ADAMTS10: variants seen among roughly 807,000 people sequenced by gnomAD.
The protein encoded by ADAMTS10 is ADAM metallopeptidase with thrombospondin type 1 motif 10, also known as A disintegrin and metalloproteinase with thrombospondin motifs 10.
Under a neutral mutation model 135.9 loss-of-function variants are expected in ADAMTS10, and 48 were observed. That is an observed-to-expected ratio of 0.35 (90% CI 0.28 to 0.45). The LOEUF (loss-of-function observed/expected upper bound fraction) is 0.45. Among genes scored for constraint, ADAMTS10 ranks in the 20% least tolerant of loss-of-function variants. The pLI is 1.00. For missense variants in ADAMTS10, 1,131 were observed against 1,565.2 expected (o/e 0.72, Z 4.68); for synonymous variants, 621 against 647.5 (o/e 0.96, Z 0.62).
chr19:8,582,957 AT>A (rs2042374044), intron 25 of ADAMTS10, among the ~76,000 whole-genome samples: 1 of 151,852 alleles, frequency 6.6e-6, no homozygotes, highest in Non-Finnish European at 1.5e-5. Context: ...GCCTAATTTT[AT>A]TTTTTGTAGA....
Position 8,580,801 on chromosome 19 carries a change from G to T in ADAMTS10, c.*92C>A. ...GGCTCCGTCTCACCCTTCCCTCCCA[G>T]TTCCCGCCCCCCCGGGGCCCCCTCT... On this transcript the variant is annotated 3_prime_UTR_variant, in exon 26 of 26. Coordinates refer to ENST00000597188, the MANE Select transcript of ADAMTS10 (RefSeq NM_030957.4). 2 of 1,014,276 alleles carry T rather than the reference G, an allele frequency of 2.0e-6. No homozygotes were observed. The highest frequency in any genetic ancestry group is 2.9e-6 in the Non-Finnish European group (2 of 678,296). 62.8% of individuals were successfully genotyped at this position (1,014,276 alleles called of 1,614,324 possible).
Position 8,580,825 on chromosome 19 carries a change from C to T in ADAMTS10, c.*68G>A. 1.5e-6 allele frequency: 2 copies of T among 1,366,756 alleles called. No homozygotes were observed. The highest frequency in any genetic ancestry group is 2.0e-6 in the Non-Finnish European group (2 of 989,160). 84.7% of individuals were successfully genotyped at this position (1,366,756 alleles called of 1,614,324 possible). A position where few individuals can be genotyped will look rare whatever the true frequency, so the allele number is the denominator to read the frequency against. On this transcript the variant is annotated 3_prime_UTR_variant, in exon 26 of 26. Transcript: ENST00000597188. ...AGTTCCCGCCCCCCCGGGGCCCCCTCTGGCCGGCCCGCTGCAGGGCTGGCG... is the reference window on the plus strand; with the variant it reads ...AGTTCCCGCCCCCCCGGGGCCCCCTTTGGCCGGCCCGCTGCAGGGCTGGCG...
intron 12 of ADAMTS10, 60 bp downstream of exon 12, chr19:8,595,702 T>TCCCCCCCCCCCCCCCGCCCCC: frequency 1.1e-6 from 1 of 894,226 alleles, no homozygotes; most frequent in Non-Finnish European, 1.7e-6. Context: ...TGGAGTTCCC[T>TCCCCCCCCCCCCCCCGCCCCC]CCCCCAGCCC....
rs1555740383 is a variant in ADAMTS10 at position 8,596,974 on chromosome 19, C to T, written c.1040+13G>A. The T allele has an allele frequency of 6.2e-7, 1 of 1,612,386 alleles. No individual in the cohort carries two copies. The highest frequency in any genetic ancestry group is 1.1e-5 in the South Asian group (1 of 91,062). On this transcript the variant is annotated intron_variant, in intron 8 of 25. Coordinates refer to ENST00000597188, the MANE Select transcript of ADAMTS10 (RefSeq NM_030957.4). This position sits in a 1 kb window ranked among gnomAD's most constrained non-coding sequence, Gnocchi z 7.2. ...TTCTCAGCCCCAGTCCTAGACCTCT[C>T]CTGTCCCCTCACCGTGTGATGAGCA... is the stretch of plus-strand genomic sequence containing the variant.
At position 8,605,192 on chromosome 19, in the gene ADAMTS10, G is replaced by A; in HGVS notation, c.255C>T (p.Thr85=). 6.2e-7 allele frequency: 1 copy of A among 1,614,056 alleles called. No homozygotes were observed. Among genetic ancestry groups the A allele is most frequent in the Non-Finnish European group, 8.5e-7 (1 of 1,179,950 alleles). Residue 85 remains threonine (T), a synonymous_variant, in exon 4 of 26, where the codon ACC becomes ACT. Transcript: ENST00000597188. The surrounding 1 kb of genome is among the most constrained non-coding windows in gnomAD (Gnocchi z 7.7). Reference sequence around the variant, plus strand: ...TGCGGGTCAGGTTCAGCAGGAAGTGGGTGCTGGGCGAGGCCACTTTGTAGA... The same window carrying A: ...TGCGGGTCAGGTTCAGCAGGAAGTGAGTGCTGGGCGAGGCCACTTTGTAGA... ...RLFYKVASPS[T]HFLLNLTRSS... is the part of the protein sequence containing the mutation.
At chr19:8,609,566 G>A (rs116388336) in intron 1 of ADAMTS10, among the ~76,000 whole-genome samples, 3,212 of 152,214 alleles carry the variant, frequency 0.021, 130 homozygotes, top group African/African-American at 0.073. Flanking sequence ...ACATCTGGCC[G>A]GGCCGGCAGG....
rs782508196 is a variant in ADAMTS10 at position 8,589,164 on chromosome 19, C to G, written c.2158+78G>C. 195 of 1,600,484 alleles carry G rather than the reference C, an allele frequency of 1.2e-4. 1 individual carries two copies. The Middle Eastern group carries it at 3.6e-3, about 30-fold the overall frequency. On this transcript the variant is annotated intron_variant, in intron 18 of 25. Coordinates refer to ENST00000597188, the MANE Select transcript of ADAMTS10 (RefSeq NM_030957.4). ...GGGTCTGAGGAGTTAGTGATCTCAG[C>G]TACTGCACTGGGATCAGTTCCACCT...
chr19:8,589,886 C>T lies in ADAMTS10; in HGVS notation c.1900+3G>A. 3 of 1,613,374 alleles carry T rather than the reference C, an allele frequency of 1.9e-6. No individual in the cohort carries two copies. The highest frequency in any genetic ancestry group is 2.5e-6 in the Non-Finnish European group (3 of 1,179,382). On this transcript the variant is annotated splice_donor_region_variant and intron_variant, in intron 16 of 25. Transcript: ENST00000597188. ...CCCACAGCCTTTGGAGTCCCACACT[C>T]ACCTCCCCGGTACGTTTTCCACTTG... is the stretch of plus-strand genomic sequence containing the variant.
At position 8,596,483 on chromosome 19, in the gene ADAMTS10, C is replaced by A. The variant is rs1267508162; in HGVS notation, c.1084+59G>T. On this transcript the variant is annotated intron_variant, in intron 9 of 25. Transcript: ENST00000597188. This position sits in a 1 kb window ranked among gnomAD's most constrained non-coding sequence, Gnocchi z 7.2. ...GTGCTGGCTGGCCCCATCCACCTGC[C>A]AGGTCTCACCCCAGCCCACTGCCTT... 7.4e-6 allele frequency: 12 copies of A among 1,612,692 alleles called. No individual in the cohort carries two copies. In the African/African-American group the frequency reaches 9.3e-5, roughly 13 times the overall value.
At chr19:8,588,693 C>G (rs1555737926) in intron 18 of ADAMTS10, among the ~76,000 whole-genome samples, 1 of 152,210 alleles carries the variant, frequency 6.6e-6, no homozygotes, top group Admixed American at 6.5e-5. Flanking sequence ...CGCAGCTCCT[C>G]TGGCTCACAG....
chr19:8,584,601 A>C (rs1555736365), intron 25 of ADAMTS10, among the ~76,000 whole-genome samples: 1 of 152,170 alleles, frequency 6.6e-6, no homozygotes, highest in Non-Finnish European at 1.5e-5. Context: ...TAAAGGAAAA[A>C]TATTCAGGAA....
chr19:8,605,442 G>T lies in ADAMTS10; in HGVS notation c.89-84C>A. ...TGGCTGTTAGGCTGCTGGAGCAAGT[G>T]ATGCTGGCCTCACTGACCCCCGAAA... On this transcript the variant is annotated intron_variant, in intron 3 of 25. Transcript: ENST00000597188. The surrounding 1 kb of genome is among the most constrained non-coding windows in gnomAD (Gnocchi z 7.7). The T allele has an allele frequency of 6.7e-7, 1 of 1,488,390 alleles. No individual in the cohort carries two copies. Among genetic ancestry groups the T allele is most frequent in the Non-Finnish European group, 9.1e-7 (1 of 1,094,760 alleles). The allele number at this position is 1,488,390 out of a possible 1,614,324, so 92.2% of individuals were successfully genotyped here.
intron 16 of ADAMTS10, 40 bp from the exon 17 acceptor site, chr19:8,589,625 C>T: frequency 6.2e-7 from 1 of 1,611,700 alleles, no homozygotes. Flanking sequence ...GCCAGGCCAC[C>T]CCGGAACTCT....
intron 12 of ADAMTS10, among the ~76,000 whole-genome samples, chr19:8,593,793 G>A (rs1006815783): frequency 5.9e-5 from 9 of 152,046 alleles, no homozygotes; most frequent in East Asian, 5.8e-4. Context: ...ACCTCCCAGC[G>A]TCTTTCCTCT....
At position 8,601,202 on chromosome 19, in the gene ADAMTS10, C is replaced by G. The variant is rs564463807; in HGVS notation, c.593-57G>C. The G allele has an allele frequency of 1.3e-6, 2 of 1,572,674 alleles. No individual in the cohort carries two copies. Among genetic ancestry groups the G allele is most frequent in the Non-Finnish European group, 1.7e-6 (2 of 1,156,438 alleles). ...CCCTGCTGGTGGGACGCAGAGCTGC[C>G]TGACAACTGTCTTGTCCAACCTCTG... On this transcript the variant is annotated intron_variant, in intron 5 of 25. Transcript: ENST00000597188. The surrounding 1 kb of genome is among the most constrained non-coding windows in gnomAD (Gnocchi z 4.6).
At chr19:8,591,448 T>A (rs1288155282) in intron 15 of ADAMTS10, among the ~76,000 whole-genome samples, 1 of 100,222 alleles carries the variant, frequency 1.0e-5, no homozygotes, top group African/African-American at 3.1e-5. Context: ...TTTTGTTTTT[T>A]TTTTTTTTTT....
At chr19:8,589,161 C>T in intron 18 of ADAMTS10, 81 bp downstream of exon 18, 3 of 1,599,008 alleles carry the variant, frequency 1.9e-6, no homozygotes, top group Non-Finnish European at 1.7e-6. Context: ...TTAGTGATCT[C>T]AGCTACTGCA....
intron 18 of ADAMTS10, 150 bp from the exon 19 acceptor site, chr19:8,587,046 G>T: frequency 3.4e-6 from 3 of 869,742 alleles, no homozygotes; most frequent in Non-Finnish European, 5.6e-6. Context: ...TGAACCAGGT[G>T]TTTCATTATC....
chr19:8,596,663 G>C lies in ADAMTS10; in HGVS notation c.1041-78C>G, dbSNP rs1044624948. Reference sequence around the variant, plus strand: ...GCTGATGCCACCATGCCCAGCTCTGGGGGTTGAGTCCTGCCTTGGAGGCGC... The same window carrying C: ...GCTGATGCCACCATGCCCAGCTCTGCGGGTTGAGTCCTGCCTTGGAGGCGC... On this transcript the variant is annotated intron_variant, in intron 8 of 25. Coordinates refer to ENST00000597188, the MANE Select transcript of ADAMTS10 (RefSeq NM_030957.4). The surrounding 1 kb of genome is among the most constrained non-coding windows in gnomAD (Gnocchi z 7.2). The C allele has an allele frequency of 1.3e-6, 2 of 1,562,814 alleles. No individual in the cohort carries two copies. Among genetic ancestry groups the C allele is most frequent in the Admixed American group, 3.5e-5 (2 of 56,974 alleles).
Sources: gnomAD v4.1 joint callset for allele counts (sites outside exome capture counted in the v4.1 genomes callset) on GRCh38, gnomAD v4.1.1 for gene constraint, Gnocchi (gnomAD v3.1) non-coding constraint, MANE v1.5 for transcripts, NCBI Gene and HGNC (gene_info 2026-07-23, HGNC 2026-07-21) for gene names.